Variants in PRLR observed in about 807,000 individuals in gnomAD.
The protein encoded by PRLR is hPRL receptor.
A neutral mutation model predicts 40.2 loss-of-function variants in PRLR; 13 were observed. The ratio of observed to expected loss-of-function variants is 0.32; its 90% CI spans 0.21 to 0.51. The LOEUF (loss-of-function observed/expected upper bound fraction) is 0.51. PRLR is among the 20% of genes least tolerant of loss of function. PRLR has a pLI of 0.97. For synonymous variants in PRLR, 269 were observed against 278.7 expected (o/e 0.97, Z 0.35); for missense variants, 656 against 747.3 (o/e 0.88, Z 1.42).
Position 35,156,384 on chromosome 5 carries a change from A to G in PRLR, c.-105-38262T>C, listed in dbSNP as rs144035203. Among the ~76,000 whole-genome samples, 432 of 152,260 alleles carry G rather than the reference A, an allele frequency of 2.8e-3. 6 individuals carry two copies. Among genetic ancestry groups the G allele is most frequent in the Non-Finnish European group, 1.8e-3 (121 of 68,022 alleles). ...TCTCCTTGCCCTTCAGTTTATTTTTAATACAGGAGCCAGAATACTTCTTTT... is the reference window on the plus strand; with the variant it reads ...TCTCCTTGCCCTTCAGTTTATTTTTGATACAGGAGCCAGAATACTTCTTTT... On this transcript the variant is annotated intron_variant, in intron 1 of 9. Transcript: ENST00000618457.
chr5:35,050,256 T>C (rs377285222), intron 8 of PRLR, among the ~76,000 whole-genome samples: 61 of 152,316 alleles, frequency 4.0e-4, no homozygotes, highest in African/African-American at 1.3e-3. Flanking sequence ...TTACGTGATG[T>C]CCACAAAATC....
intron 2 of PRLR, among the ~76,000 whole-genome samples, chr5:35,092,180 T>C (rs965889969): frequency 8.3e-4 from 126 of 152,266 alleles, no homozygotes; most frequent in African/African-American, 3.0e-3. Context: ...AAGTATTCTA[T>C]GAATGAAAAA....
At chr5:35,156,359 T>C (rs1774506901) in intron 1 of PRLR, among the ~76,000 whole-genome samples, 5 of 152,166 alleles carry the variant, frequency 3.3e-5, no homozygotes, top group Admixed American at 3.3e-4. Context: ...TCTCCACCTC[T>C]CTCCTTGCCC....
intron 1 of PRLR, among the ~76,000 whole-genome samples, chr5:35,194,633 G>T (rs575844300): frequency 1.1e-4 from 17 of 152,326 alleles, no homozygotes; most frequent in African/African-American, 3.6e-4. Flanking sequence ...CATGGAGGAA[G>T]CTTAAAAGCA....
At chr5:35,165,214 C>T (rs1280342870) in intron 1 of PRLR, among the ~76,000 whole-genome samples, 1 of 152,128 alleles carries the variant, frequency 6.6e-6, no homozygotes, top group Non-Finnish European at 1.5e-5. Context: ...ACCACTTTGC[C>T]CTGCCCAAAT....
chr5:35,104,982 C>T (rs980954994), intron 2 of PRLR, among the ~76,000 whole-genome samples: 13 of 152,212 alleles, frequency 8.5e-5, no homozygotes, highest in African/African-American at 3.1e-4. Context: ...TAGGGGCCGA[C>T]TGACACCTCA....
chr5:35,177,441 C>T (rs1775181182), intron 1 of PRLR, among the ~76,000 whole-genome samples: 2 of 152,178 alleles, frequency 1.3e-5, no homozygotes, highest in African/African-American at 4.8e-5. Context: ...CCTAAGGAAA[C>T]TAACCATCAG....
chr5:35,083,444 C>G (rs1770647154), intron 5 of PRLR, among the ~76,000 whole-genome samples: 1 of 139,570 alleles, frequency 7.2e-6, no homozygotes, highest in African/African-American at 3.1e-5. Context: ...CTCTTCCTCT[C>G]TCTCTGTGTG....
At chr5:35,179,904 T>A (rs1579770677) in intron 1 of PRLR, among the ~76,000 whole-genome samples, 1 of 152,212 alleles carries the variant, frequency 6.6e-6, no homozygotes, top group South Asian at 2.1e-4. Flanking sequence ...TCAAGCACAT[T>A]ACATTTATTG....
At position 35,089,580 on chromosome 5, in the gene PRLR, A is replaced by G; in HGVS notation, c.41T>C (p.Leu14Pro). The change falls in exon 3 of 10, where the codon CTA (leucine) becomes CCA (proline). Residue 14 changes from leucine to proline, a missense_variant. Physicochemically the swap from Leu to Pro is moderately conservative, Grantham distance 98. Around this residue, in one of 3 missense-constraint regions of PRLR, gnomAD observed 180 missense variants for 236.8 expected, o/e 0.76. Coordinates refer to ENST00000618457, the MANE Select transcript of PRLR (RefSeq NM_000949.7). ...CAGAAGGCAGGTGTTGAGAAAAAGT[A>G]GCAGAGTGAAAACGGTTGCAGATGC... ...NVASATVFTL[L>P]LFLNTCLLNG... 6.2e-7 allele frequency: 1 copy of G among 1,613,844 alleles called. No individual in the cohort carries two copies. The highest frequency in any genetic ancestry group is 8.5e-7 in the Non-Finnish European group (1 of 1,179,688).
chr5:35,059,457 C>T lies in PRLR; in HGVS notation c.*5632G>A, dbSNP rs1000516352. 2.0e-5 allele frequency: 3 copies of T among 152,078 alleles called. No individual in the cohort carries two copies. The highest frequency in any genetic ancestry group is 7.2e-5 in the African/African-American group (3 of 41,406). The allele number at this position is 152,078 out of a possible 1,614,324, so 9.4% of individuals were successfully genotyped here. A position where few individuals can be genotyped will look rare whatever the true frequency, so the allele number is the denominator to read the frequency against. On this transcript the variant is annotated 3_prime_UTR_variant, in exon 10 of 10. Coordinates refer to ENST00000618457, the MANE Select transcript of PRLR (RefSeq NM_000949.7). The stretch of plus-strand genomic sequence containing the variant: ...TATGTACCTCTCTTAGACATAAACT[C>T]TTAGACATAAACTCATAAAATCTGT...
chr5:35,227,162 T>C (rs2111694372), intron 1 of PRLR, among the ~76,000 whole-genome samples: 1 of 152,322 alleles, frequency 6.6e-6, no homozygotes, highest in Non-Finnish European at 1.5e-5. Context: ...GGTGATCTTG[T>C]TGTTGCTACC....
At chr5:35,078,677 A>T (rs1375443619) in intron 5 of PRLR, among the ~76,000 whole-genome samples, 1 of 152,222 alleles carries the variant, frequency 6.6e-6, no homozygotes, top group Non-Finnish European at 1.5e-5. Flanking sequence ...CAATCAATAG[A>T]AAAAGAGGGA....
chr5:35,103,247 T>C (rs1241997455), intron 2 of PRLR, among the ~76,000 whole-genome samples: 1 of 152,182 alleles, frequency 6.6e-6, no homozygotes, highest in Non-Finnish European at 1.5e-5. Flanking sequence ...TAGAAAAATA[T>C]GGTATAGTAT....
intron 1 of PRLR, among the ~76,000 whole-genome samples, chr5:35,118,524 A>G (rs945434825): frequency 2.6e-5 from 4 of 152,168 alleles, no homozygotes; most frequent in Non-Finnish European, 5.9e-5. Context: ...TCCTACATAA[A>G]TGTAGTACAA....
Position 35,095,908 on chromosome 5 carries a change from C to T in PRLR, c.-43-6245G>A, listed in dbSNP as rs569878307. Among the ~76,000 whole-genome samples, 5 of 152,300 alleles carry T rather than the reference C, an allele frequency of 3.3e-5. No homozygotes were observed. In the East Asian group the frequency reaches 9.6e-4, roughly 29 times the overall value. On this transcript the variant is annotated intron_variant, in intron 2 of 9. Coordinates refer to ENST00000618457, the MANE Select transcript of PRLR (RefSeq NM_000949.7). ...TTAGAGGCTGCTGTAAAGTGTTCAC[C>T]TCTGATTCCAGATATTCCCCTGCCC...
At chr5:35,137,299 A>G (rs1015494963) in intron 1 of PRLR, among the ~76,000 whole-genome samples, 8 of 152,172 alleles carry the variant, frequency 5.3e-5, no homozygotes, top group African/African-American at 1.9e-4. Flanking sequence ...ATAAGTCTGA[A>G]CTTTCTCCAC....
chr5:35,182,338 G>T (rs534078090), intron 1 of PRLR, among the ~76,000 whole-genome samples: 1 of 152,082 alleles, frequency 6.6e-6, no homozygotes, highest in African/African-American at 2.4e-5. Flanking sequence ...GTGATGTAGC[G>T]TTCTATATAG....
chr5:35,088,832 T>G (rs1467356017), intron 3 of PRLR, among the ~76,000 whole-genome samples: 4 of 152,106 alleles, frequency 2.6e-5, no homozygotes, highest in Admixed American at 2.0e-4. Context: ...TGCACACAGG[T>G]ACCTGCAGAG....
Sources: allele counts gnomAD v4.1 joint callset (sites outside exome capture counted in the v4.1 genomes callset), GRCh38; gene constraint gnomAD v4.1.1; regional missense constraint gnomAD v4.1.1; transcripts MANE v1.5; gene names NCBI Gene and HGNC (gene_info 2026-07-23, HGNC 2026-07-21).